The following MYO5B variants were observed in gnomAD, a reference collection of about 807,000 sequenced individuals.
MYO5B encodes myosin VB.
A neutral mutation model predicts 229.3 loss-of-function variants in MYO5B; 143 were observed. The ratio of observed to expected loss-of-function variants is 0.62; its 90% confidence interval spans 0.54 to 0.72. The LOEUF (loss-of-function observed/expected upper bound fraction) is 0.72. MYO5B is among the 30% of genes least tolerant of loss of function. MYO5B has a pLI of 0.00. For synonymous variants in MYO5B, 918 were observed against 885.2 expected, an observed-to-expected ratio of 1.04 and a Z score of -0.66; for missense variants, 2,321 against 2,331.0, an observed-to-expected ratio of 1.00 and a Z score of 0.09.
intron 1 of MYO5B, among the ~76,000 whole-genome samples, chr18:50,106,415 G>A (rs1288883922): frequency 2.0e-5 from 3 of 152,206 alleles, no homozygotes; most frequent in Non-Finnish European, 2.9e-5. Context: ...GTCCTAGTGT[G>A]TCAAAGGGGT....
chr18:49,989,488 T>C (rs1182711445), intron 7 of MYO5B, among the ~76,000 whole-genome samples: 1 of 152,032 alleles, frequency 6.6e-6, no homozygotes, highest in Non-Finnish European at 1.5e-5. Flanking sequence ...ACAGGAAGCA[T>C]GGCAGGAAGT....
chr18:50,013,695 G>A (rs540726788), intron 4 of MYO5B, among the ~76,000 whole-genome samples: 3 of 152,238 alleles, frequency 2.0e-5, no homozygotes, highest in African/African-American at 7.2e-5. Flanking sequence ...TAACACAGAC[G>A]ACCAAAACTC....
At position 50,040,287 on chromosome 18, in the gene MYO5B, G is replaced by A. The variant is rs765665080; in HGVS notation, c.166C>T (p.Arg56Cys). Residue 56 changes from arginine (R) to cysteine (C), a missense_variant, in exon 3 of 40, where the codon CGC becomes TGC. Coordinates refer to ENST00000285039, the MANE Select transcript of MYO5B (RefSeq NM_001080467.3). ...TTCCGTAAGAAGGGCAGCTGGTTGCGTTGTACATCAATTGGGTATTCCAGA... is the reference window on the plus strand; with the variant it reads ...TTCCGTAAGAAGGGCAGCTGGTTGCATTGTACATCAATTGGGTATTCCAGA... ...TILEYPIDVQRNQLPFLRNPD... is the reference protein window; with the variant it reads ...TILEYPIDVQCNQLPFLRNPD... 56 of 1,614,074 alleles carry A rather than the reference G, an allele frequency of 3.5e-5. No homozygotes were observed. The highest frequency in any genetic ancestry group is 4.2e-5 in the Non-Finnish European group (49 of 1,180,010).
chr18:49,885,862 C>G (rs1370775539), intron 22 of MYO5B, among the ~76,000 whole-genome samples: 2 of 152,114 alleles, frequency 1.3e-5, no homozygotes, highest in African/African-American at 4.8e-5. Flanking sequence ...TTAGGTTTGT[C>G]CTTTAAGGGC....
intron 1 of MYO5B, among the ~76,000 whole-genome samples, chr18:50,082,817 T>A (rs1320651216): frequency 1.3e-5 from 2 of 152,224 alleles, no homozygotes; most frequent in Admixed American, 1.3e-4. Context: ...CTGTTTTTAC[T>A]CACAACACTT....
chr18:50,113,118 A>T (rs892266856), intron 1 of MYO5B, among the ~76,000 whole-genome samples: 6 of 152,092 alleles, frequency 3.9e-5, no homozygotes, highest in Admixed American at 2.6e-4. Flanking sequence ...CCCACCACCT[A>T]CACTGCTGAG....
At chr18:50,104,539 C>T (rs1285729143) in intron 1 of MYO5B, among the ~76,000 whole-genome samples, 1 of 152,006 alleles carries the variant, frequency 6.6e-6, no homozygotes, top group Non-Finnish European at 1.5e-5. Flanking sequence ...ATGATGATTC[C>T]TGTCTTTATT....
At chr18:50,152,837 A>G (rs2032620196) in intron 1 of MYO5B, among the ~76,000 whole-genome samples, 1 of 149,346 alleles carries the variant, frequency 6.7e-6, no homozygotes, top group East Asian at 2.0e-4. Flanking sequence ...GGTGTTCATT[A>G]AAAGAAATAG....
At chr18:50,143,467 TTTAGGAG>T (rs1308874770) in intron 1 of MYO5B, among the ~76,000 whole-genome samples, 1 of 152,138 alleles carries the variant, frequency 6.6e-6, no homozygotes, top group Non-Finnish European at 1.5e-5. Flanking sequence ...GCATTCTGTA[TTTAGGAG>T]TTGTTGAACA....
At chr18:50,044,873 T>C (rs947869802) in intron 2 of MYO5B, among the ~76,000 whole-genome samples, 11 of 148,996 alleles carry the variant, frequency 7.4e-5, no homozygotes, top group African/African-American at 2.7e-4. Flanking sequence ...CTTCAGTATT[T>C]AAAGGGGAAA....
chr18:50,014,652 T>C (rs1334062663), intron 4 of MYO5B, among the ~76,000 whole-genome samples: 1 of 152,214 alleles, frequency 6.6e-6, no homozygotes, highest in Non-Finnish European at 1.5e-5. Flanking sequence ...CACTGTACCA[T>C]TCTGGCTGGA....
chr18:50,059,549 C>T (rs933805898), intron 1 of MYO5B, among the ~76,000 whole-genome samples: 2 of 152,170 alleles, frequency 1.3e-5, no homozygotes, highest in African/African-American at 4.8e-5. Flanking sequence ...AGATGCAAAT[C>T]TAGTAAATAT....
chr18:50,092,449 T>C (rs1212086618), intron 1 of MYO5B, among the ~76,000 whole-genome samples: 1 of 152,214 alleles, frequency 6.6e-6, no homozygotes, highest in Non-Finnish European at 1.5e-5. Context: ...CTGCTGCTGC[T>C]GCGTTCTAAC....
At chr18:50,134,531 G>A (rs1448553244) in intron 1 of MYO5B, among the ~76,000 whole-genome samples, 1 of 150,756 alleles carries the variant, frequency 6.6e-6, no homozygotes, top group Non-Finnish European at 1.5e-5. Context: ...CTCCAGCCTG[G>A]GCGATAGAGT....
At chr18:50,098,378 G>T (rs1199148939) in intron 1 of MYO5B, among the ~76,000 whole-genome samples, 1 of 152,118 alleles carries the variant, frequency 6.6e-6, no homozygotes, top group African/African-American at 2.4e-5. Context: ...ATGTTCTATG[G>T]ATTCCAATGA....
intron 1 of MYO5B, 53 bp downstream of exon 1, chr18:50,194,714 G>A: frequency 7.7e-7 from 1 of 1,306,000 alleles, no homozygotes; most frequent in Non-Finnish European, 1.0e-6. Flanking sequence ...GTACTAGGTG[G>A]CCCCGAGCGC....
chr18:50,076,498 G>A lies in MYO5B; in HGVS notation c.28-21120C>T, dbSNP rs150821708. Among the ~76,000 whole-genome samples, 68 of 152,290 alleles carry A rather than the reference G, an allele frequency of 4.5e-4. 1 individual carries two copies. The highest frequency in any genetic ancestry group is 3.7e-3 in the East Asian group (19 of 5,180). On this transcript the variant is annotated intron_variant, in intron 1 of 39. Coordinates refer to ENST00000285039, the MANE Select transcript of MYO5B (RefSeq NM_001080467.3). ...AGCCACCTGGTGAGGCCTCCCAAGC[G>A]CTTTTCAGAGCACGGAATATGTCAG...
intron 1 of MYO5B, among the ~76,000 whole-genome samples, chr18:50,153,544 G>A (rs554733089): frequency 9.5e-4 from 145 of 152,234 alleles, no homozygotes; most frequent in African/African-American, 3.3e-3. Context: ...TCCGCCTCCC[G>A]GGTTCAAGCG....
intron 4 of MYO5B, among the ~76,000 whole-genome samples, chr18:50,034,855 G>C (rs7234190): frequency 0.98 from 148,944 of 152,336 alleles, 72,909 homozygotes; most frequent in East Asian, 1. Flanking sequence ...AAAAATTGCA[G>C]AAGAACTTCA....
Sources: gnomAD v4.1 joint callset for allele counts (sites outside exome capture counted in the v4.1 genomes callset) on GRCh38, gnomAD v4.1.1 for gene constraint, MANE v1.5 for transcripts, NCBI Gene and HGNC (gene_info 2026-07-23, HGNC 2026-07-21) for gene names.